Variants in PARD3B observed in about 807,000 individuals in gnomAD.
The protein encoded by PARD3B is par-3 family cell polarity regulator beta, also known as partitioning defective 3 homolog B.
A neutral mutation model predicts 130.2 loss-of-function variants in PARD3B; 103 were observed. The observed-to-expected ratio is 0.79, with a 90% CI of 0.67 to 0.93. PARD3B has a LOEUF of 0.93. Among genes scored for constraint, PARD3B ranks in the 40% least tolerant of loss-of-function variants. PARD3B has a pLI of 0.00. For synonymous variants in PARD3B, 583 were observed against 553.2 expected (o/e 1.05, Z -0.76); for missense variants, 1,609 against 1,499.2 (o/e 1.07, Z -1.21).
In PARD3B at chr2:204,776,874, C is replaced by T. The variant is rs114922420; in HGVS notation, c.222+90592C>T. Among the ~76,000 whole-genome samples the T allele has an allele frequency of 1.9e-3, 295 of 151,614 alleles. 2 individuals are homozygous for T. The highest frequency in any genetic ancestry group is 6.8e-3 in the African/African-American group (280 of 41,312). On this transcript the variant is annotated intron_variant, in intron 2 of 22. Transcript: ENST00000406610. ...TATGCCTGGGCCATGGCCCAGAGACCGCAAGGAGAGGATGGCATACATAAT... is the reference window on the plus strand; with the variant it reads ...TATGCCTGGGCCATGGCCCAGAGACTGCAAGGAGAGGATGGCATACATAAT...
chr2:205,578,144 A>G (rs1048557635), intron 22 of PARD3B, among the ~76,000 whole-genome samples: 1 of 152,110 alleles, frequency 6.6e-6, no homozygotes, highest in Non-Finnish European at 1.5e-5. Flanking sequence ...TCTTCCACTG[A>G]TAAGCTGCAA....
At chr2:205,604,331 G>A (rs572164608) in intron 22 of PARD3B, among the ~76,000 whole-genome samples, 4 of 152,298 alleles carry the variant, frequency 2.6e-5, no homozygotes, top group Admixed American at 2.6e-4. Context: ...AGGCAAGGAG[G>A]AGCAAGTCAT....
At chr2:205,062,070 A>C (rs1248867458) in intron 4 of PARD3B, among the ~76,000 whole-genome samples, 1 of 152,018 alleles carries the variant, frequency 6.6e-6, no homozygotes, top group African/African-American at 2.4e-5. Context: ...TGCTGCCTTT[A>C]TCTTGACTCA....
intron 18 of PARD3B, among the ~76,000 whole-genome samples, chr2:205,302,569 T>C (rs2042049303): frequency 6.6e-6 from 1 of 152,176 alleles, no homozygotes; most frequent in Non-Finnish European, 1.5e-5. Flanking sequence ...AAATAAATAC[T>C]TCCTCTGACA....
At chr2:204,998,388 GTATA>G (rs1559341659) in intron 3 of PARD3B, among the ~76,000 whole-genome samples, 1 of 76,244 alleles carries the variant, frequency 1.3e-5, no homozygotes, top group South Asian at 3.4e-4. Flanking sequence ...ATATGTGTGT[GTATA>G]TATGTATATA....
chr2:204,910,879 T>C (rs1253228370), intron 2 of PARD3B, among the ~76,000 whole-genome samples: 1 of 152,174 alleles, frequency 6.6e-6, no homozygotes, highest in Non-Finnish European at 1.5e-5. Flanking sequence ...CCTGACCCTG[T>C]GATCCACCCA....
chr2:204,680,583 A>G (rs1276162622), intron 1 of PARD3B, among the ~76,000 whole-genome samples: 3 of 150,916 alleles, frequency 2.0e-5, no homozygotes, highest in Non-Finnish European at 4.4e-5. Context: ...TTTGGATTTC[A>G]TTAGCTGTTT....
At chr2:205,612,930 G>A (rs932790983) in intron 22 of PARD3B, among the ~76,000 whole-genome samples, 11 of 152,286 alleles carry the variant, frequency 7.2e-5, no homozygotes, top group African/African-American at 1.7e-4. Flanking sequence ...AAGAGATAGC[G>A]ACTGTCCCCC....
intron 2 of PARD3B, among the ~76,000 whole-genome samples, chr2:204,789,312 A>C (rs1003923807): frequency 2.0e-5 from 3 of 152,160 alleles, no homozygotes; most frequent in Non-Finnish European, 2.9e-5. Context: ...TAGCCTCCCA[A>C]AGCTCTGGGT....
In PARD3B at chr2:205,121,607, C is replaced by T. The variant is rs140915034; in HGVS notation, c.823C>T (p.Arg275Cys). 1.1e-4 allele frequency: 185 copies of T among 1,612,632 alleles called. No individual in the cohort carries two copies. In the Middle Eastern group the frequency reaches 1.7e-3, roughly 14 times the overall value. Residue 275 changes from arginine (R) to cysteine (C), a missense_variant, in exon 8 of 23, where the codon CGC becomes TGC. Coordinates refer to ENST00000406610, the MANE Select transcript of PARD3B (RefSeq NM_001302769.2). The surrounding 1 kb of genome is among the most constrained non-coding windows in gnomAD (Gnocchi z 5.0). ...TCTTTCCAGGGCTCAAGATGTCTTC[C>T]GCCAGGCAATGAAATCTCCAAGTGT... Reference protein sequence around the residue: ...KTFAQAQDVFRQAMKSPSVLL... With the variant: ...KTFAQAQDVFCQAMKSPSVLL...
At chr2:204,995,306 T>C (rs577546659) in intron 3 of PARD3B, among the ~76,000 whole-genome samples, 7 of 150,904 alleles carry the variant, frequency 4.6e-5, no homozygotes, top group African/African-American at 1.7e-4. Context: ...CATTTGCTTG[T>C]CTATAAAGTA....
intron 4 of PARD3B, among the ~76,000 whole-genome samples, chr2:205,060,229 A>T (rs1276699394): frequency 1.3e-5 from 2 of 152,028 alleles, no homozygotes; most frequent in African/African-American, 2.4e-5. Context: ...AAAAAAAGTC[A>T]TTTCATCATT....
At chr2:204,701,249 A>G (rs2037878456) in intron 2 of PARD3B, among the ~76,000 whole-genome samples, 1 of 152,102 alleles carries the variant, frequency 6.6e-6, no homozygotes, top group South Asian at 2.1e-4. Flanking sequence ...TAAATACTCT[A>G]TTTACTGTAA....
intron 9 of PARD3B, 83 bp downstream of exon 9, chr2:205,124,549 ATATAT>A: frequency 2.1e-6 from 2 of 972,554 alleles, no homozygotes; most frequent in Non-Finnish European, 2.7e-6. Context: ...ATATATGTAA[ATATAT>A]TAATATTTTT....
At chr2:204,994,937 A>G (rs1199407450) in intron 3 of PARD3B, among the ~76,000 whole-genome samples, 1 of 151,032 alleles carries the variant, frequency 6.6e-6, no homozygotes, top group Non-Finnish European at 1.5e-5. Context: ...GGCTTGGTAG[A>G]TCTTCCTCCA....
chr2:205,286,559 T>C (rs1332811979), intron 16 of PARD3B, among the ~76,000 whole-genome samples: 1 of 152,152 alleles, frequency 6.6e-6, no homozygotes, highest in Non-Finnish European at 1.5e-5. Flanking sequence ...TTAGAGTCAA[T>C]TTACAGAAAA....
chr2:204,904,370 AC>A (rs2046971586), intron 2 of PARD3B, among the ~76,000 whole-genome samples: 1 of 152,170 alleles, frequency 6.6e-6, no homozygotes, highest in Non-Finnish European at 1.5e-5. Flanking sequence ...TTTTTAAAAA[AC>A]CTAACCTGTT....
intron 1 of PARD3B, among the ~76,000 whole-genome samples, chr2:204,561,760 T>C (rs2031326673): frequency 6.6e-6 from 1 of 152,000 alleles, no homozygotes; most frequent in Non-Finnish European, 1.5e-5. Context: ...CACGCCCGGC[T>C]AACTTTTTGT....
chr2:205,370,754 A>C (rs1004555657), intron 18 of PARD3B, among the ~76,000 whole-genome samples: 9 of 152,228 alleles, frequency 5.9e-5, no homozygotes, highest in African/African-American at 2.2e-4. Context: ...TAGCACTTTT[A>C]ACTTGGAGAA....
Sources: allele counts gnomAD v4.1 joint callset (sites outside exome capture counted in the v4.1 genomes callset), GRCh38; gene constraint gnomAD v4.1.1; non-coding constraint Gnocchi (gnomAD v3.1); transcripts MANE v1.5; gene names NCBI Gene and HGNC (gene_info 2026-07-23, HGNC 2026-07-21).